Variants in LGSN observed in about 807,000 individuals in gnomAD.
LGSN encodes the protein lengsin, lens protein with glutamine synthetase domain.
In LGSN, 21 loss-of-function variants were observed where a neutral mutation model predicts 19.5. The observed-to-expected ratio is 1.07, with a 90% CI of 0.76 to 1.55. The LOEUF (loss-of-function observed/expected upper bound fraction) is 1.55. Among genes scored for constraint, LGSN ranks in the 40% most tolerant of loss-of-function variants. LGSN has a pLI of 0.00. For synonymous variants in LGSN, 257 were observed against 215.6 expected (o/e 1.19, Z -1.68); for missense variants, 673 against 608.5 (o/e 1.11, Z -1.12).
chr6:63,370,379 A>G, the LGSN span, among the ~76,000 whole-genome samples: 1 of 152,132 alleles, frequency 6.6e-6, no homozygotes, highest in Admixed American at 6.5e-5. Flanking sequence ...GAATCCCAAA[A>G]CCTACTCAGA....
the LGSN span, among the ~76,000 whole-genome samples, chr6:63,483,105 A>G: frequency 6.2e-4 from 95 of 152,360 alleles, no homozygotes; most frequent in African/African-American, 2.2e-3. Context: ...TCTATTGGGA[A>G]TGCTTTCAGC....
chr6:63,341,671 A>G, the LGSN span, among the ~76,000 whole-genome samples: 1 of 152,128 alleles, frequency 6.6e-6, no homozygotes, highest in Non-Finnish European at 1.5e-5. Flanking sequence ...TCCAGCTGGC[A>G]TTGTGACATT....
chr6:63,410,125 T>C, the LGSN span, among the ~76,000 whole-genome samples: 1 of 152,192 alleles, frequency 6.6e-6, no homozygotes, highest in Non-Finnish European at 1.5e-5. Flanking sequence ...AGATATGACA[T>C]AAAATATTTA....
chr6:63,349,586 T>G, the LGSN span, among the ~76,000 whole-genome samples: 6 of 152,272 alleles, frequency 3.9e-5, no homozygotes, highest in African/African-American at 1.4e-4. Flanking sequence ...AGATTCAAAC[T>G]ATGATTGCAA....
the LGSN span, among the ~76,000 whole-genome samples, chr6:63,565,754 C>A: frequency 2.9e-3 from 441 of 152,274 alleles, 2 homozygotes; most frequent in Non-Finnish European, 4.3e-3. Flanking sequence ...AAATTTCCCA[C>A]AGAAATTAGG....
chr6:63,445,984 C>T, the LGSN span, among the ~76,000 whole-genome samples: 1 of 152,150 alleles, frequency 6.6e-6, no homozygotes, highest in Non-Finnish European at 1.5e-5. Flanking sequence ...TGTCGTGGCT[C>T]ACGCCTGTAA....
the LGSN span, among the ~76,000 whole-genome samples, chr6:63,499,667 T>A: frequency 6.6e-6 from 1 of 152,118 alleles, no homozygotes; most frequent in Non-Finnish European, 1.5e-5. Flanking sequence ...GGTTTTTCTC[T>A]GTACATCACC....
chr6:63,464,895 G>A, the LGSN span, among the ~76,000 whole-genome samples: 10 of 151,596 alleles, frequency 6.6e-5, no homozygotes, highest in Non-Finnish European at 1.2e-4. Context: ...GCATGGTGGT[G>A]GGTGCCTCTA....
chr6:63,555,881 A>T, the LGSN span, among the ~76,000 whole-genome samples: 3 of 151,972 alleles, frequency 2.0e-5, no homozygotes, highest in Middle Eastern at 3.4e-3. Context: ...TTTAGTAGAG[A>T]CAGGGTTTCG....
At chr6:63,549,156 GCCA>G in the LGSN span, 1 of 684,424 alleles carries the variant, frequency 1.5e-6, no homozygotes, top group Non-Finnish European at 2.6e-6. Context: ...TTTCTTTTTG[GCCA>G]GGGCCAACAG....
chr6:63,515,423 G>T, the LGSN span, among the ~76,000 whole-genome samples: 7 of 152,064 alleles, frequency 4.6e-5, no homozygotes, highest in South Asian at 1.2e-3. Flanking sequence ...TAGGGATGGG[G>T]TTTCACCATG....
chr6:63,330,013 C>T, the LGSN span, among the ~76,000 whole-genome samples: 1 of 152,132 alleles, frequency 6.6e-6, no homozygotes, highest in African/African-American at 2.4e-5. Flanking sequence ...TTAAACATAC[C>T]CGGGGCTCAG....
In LGSN at chr6:63,279,850, C is replaced by T; in HGVS notation, c.*171G>A. ...TTTGTTTCTGTTATCAGAATCTTCTCAGCAGTCCTACTTCATCTGTCAAAT... is the reference window on the plus strand; with the variant it reads ...TTTGTTTCTGTTATCAGAATCTTCTTAGCAGTCCTACTTCATCTGTCAAAT... On this transcript the variant is annotated 3_prime_UTR_variant, in exon 4 of 4. Coordinates refer to ENST00000370657, the MANE Select transcript of LGSN (RefSeq NM_016571.3). 1.7e-6 allele frequency: 1 copy of T among 592,430 alleles called. No individual in the cohort carries two copies. The highest frequency in any genetic ancestry group is 2.9e-6 in the Non-Finnish European group (1 of 339,624). 36.7% of individuals were successfully genotyped at this position (592,430 alleles called of 1,614,324 possible). A position where few individuals can be genotyped will look rare whatever the true frequency, so the allele number is the denominator to read the frequency against.
the LGSN span, among the ~76,000 whole-genome samples, chr6:63,379,480 T>C: frequency 1.3e-5 from 2 of 152,132 alleles, no homozygotes; most frequent in African/African-American, 2.4e-5. Context: ...GGAGGAAAAA[T>C]AGGATAAAGG....
the LGSN span, among the ~76,000 whole-genome samples, chr6:63,493,444 A>G: frequency 9.2e-5 from 14 of 152,240 alleles, no homozygotes; most frequent in African/African-American, 3.4e-4. Flanking sequence ...CTTAGATTTC[A>G]ACTCCAACAG....
the LGSN span, among the ~76,000 whole-genome samples, chr6:63,415,892 T>A: frequency 6.6e-6 from 1 of 152,230 alleles, no homozygotes; most frequent in Non-Finnish European, 1.5e-5. Context: ...GGGCATTTAT[T>A]ATTCTTACAT....
At chr6:63,541,488 G>C in the LGSN span, among the ~76,000 whole-genome samples, 1 of 152,058 alleles carries the variant, frequency 6.6e-6, no homozygotes, top group South Asian at 2.1e-4. Flanking sequence ...CGGAGGCAGA[G>C]GTTGCAGTGA....
chr6:63,529,201 A>G, the LGSN span, among the ~76,000 whole-genome samples: 1 of 148,812 alleles, frequency 6.7e-6, no homozygotes, highest in Non-Finnish European at 1.5e-5. Context: ...GTATATATAT[A>G]TATGTATATA....
At chr6:63,416,954 CACACAT>C in the LGSN span, among the ~76,000 whole-genome samples, 13 of 149,846 alleles carry the variant, frequency 8.7e-5, no homozygotes, top group African/African-American at 3.2e-4. Context: ...CACACACACA[CACACAT>C]TTAACGAAAG....
Sources: gnomAD v4.1 joint callset for allele counts (sites outside exome capture counted in the v4.1 genomes callset) on GRCh38, gnomAD v4.1.1 for gene constraint, MANE v1.5 for transcripts, NCBI Gene and HGNC (gene_info 2026-07-23, HGNC 2026-07-21) for gene names.